The following ZC3H15 variants were observed in gnomAD, a reference collection of about 807,000 sequenced individuals.
ZC3H15 encodes zinc finger CCCH-type containing 15.
ZC3H15 carries 15 observed loss-of-function variants against 51.2 expected under a neutral mutation model. The observed-to-expected ratio is 0.29, with a 90% CI of 0.20 to 0.45. The LOEUF is 0.45. ZC3H15 is among the 20% of genes least tolerant of loss of function. The probability of loss-of-function intolerance (pLI) is 1.00; values close to 1 mark genes in which losing one functional copy is unlikely to be tolerated. For missense variants in ZC3H15, 381 were observed against 494.7 expected (o/e 0.77, Z 2.18); for synonymous variants, 144 against 162.8 (o/e 0.88, Z 0.88).
intron 1 of ZC3H15, among the ~76,000 whole-genome samples, chr2:186,493,371 C>T (rs1182936358): frequency 6.6e-6 from 1 of 152,108 alleles, no homozygotes; most frequent in Non-Finnish European, 1.5e-5. Flanking sequence ...GCTAGTAAGT[C>T]TGTACAGTAA....
intron 1 of ZC3H15, chr2:186,487,131 T>C (rs1685109931): frequency 6.6e-6 from 1 of 152,160 alleles, no homozygotes; most frequent in Non-Finnish European, 1.5e-5. Flanking sequence ...GAGATATATG[T>C]GTGTGTGTGC....
chr2:186,486,748 CCTTCG>C (rs1272864260), intron 1 of ZC3H15: 3 of 370,232 alleles, frequency 8.1e-6, no homozygotes, highest in African/African-American at 6.2e-5. Flanking sequence ...AGGGTTTTAT[CCTTCG>C]CTAGTCCTCT....
chr2:186,508,917 A>G lies in ZC3H15; in HGVS notation c.*184A>G. 3.8e-5 allele frequency: 25 copies of G among 660,656 alleles called. 1 individual carries two copies. In the South Asian group the frequency reaches 4.4e-4, roughly 12 times the overall value. The allele number at this position is 660,656 out of a possible 1,614,324, so 40.9% of individuals were successfully genotyped here. A position where few individuals can be genotyped will look rare whatever the true frequency, so the allele number is the denominator to read the frequency against. On this transcript the variant is annotated 3_prime_UTR_variant, in exon 10 of 10. Coordinates refer to ENST00000337859, the MANE Select transcript of ZC3H15 (RefSeq NM_018471.3). ...TCTTCTGACTTTGGCTACATCTCAT[A>G]GTAAGTTCAGAGTAGTTCATGATAA...
intron 5 of ZC3H15, 85 bp from the exon 6 acceptor site, chr2:186,503,947 T>G: frequency 9.1e-7 from 1 of 1,093,270 alleles, no homozygotes; most frequent in South Asian, 2.1e-5. Context: ...CGTACTTGTG[T>G]GTATACTTGT....
intron 9 of ZC3H15, 87 bp from the exon 10 acceptor site, chr2:186,508,456 G>C: frequency 8.8e-7 from 1 of 1,133,198 alleles, no homozygotes; most frequent in Non-Finnish European, 1.3e-6. Context: ...AAAAGAGGAA[G>C]TGTAGTATCA....
intron 2 of ZC3H15, among the ~76,000 whole-genome samples, chr2:186,497,626 T>C (rs904338935): frequency 2.0e-5 from 3 of 152,198 alleles, no homozygotes; most frequent in Non-Finnish European, 4.4e-5. Flanking sequence ...GTAAATTTTC[T>C]GGTGAATATA....
rs1367952991 is a variant in ZC3H15 at position 186,509,002 on chromosome 2, A to G, written c.*269A>G. On this transcript the variant is annotated 3_prime_UTR_variant, in exon 10 of 10. Coordinates refer to ENST00000337859, the MANE Select transcript of ZC3H15 (RefSeq NM_018471.3). ...GATGTTGTAACTGTCCACCCAAGTA[A>G]GAAGTGTATCTGCCTTTCCATCTTT... The G allele has an allele frequency of 3.6e-6, 2 of 556,004 alleles. No individual in the cohort carries two copies. The highest frequency in any genetic ancestry group is 3.7e-5 in the African/African-American group (2 of 53,844). The allele number at this position is 556,004 out of a possible 1,614,324, so 34.4% of individuals were successfully genotyped here.
chr2:186,508,313 T>A (rs1685499383), intron 9 of ZC3H15, among the ~76,000 whole-genome samples: 1 of 152,186 alleles, frequency 6.6e-6, no homozygotes, highest in South Asian at 2.1e-4. Context: ...TATAAACCAT[T>A]AAGTAGTCAA....
chr2:186,495,712 C>T (rs890303268), intron 2 of ZC3H15, among the ~76,000 whole-genome samples: 1 of 152,140 alleles, frequency 6.6e-6, no homozygotes, highest in Admixed American at 6.5e-5. Context: ...TAACAGACTC[C>T]AGATCAAGGG....
chr2:186,498,752 C>G (rs1685328768), intron 2 of ZC3H15, among the ~76,000 whole-genome samples: 2 of 151,876 alleles, frequency 1.3e-5, no homozygotes, highest in African/African-American at 4.8e-5. Flanking sequence ...TTCTTTTGTC[C>G]CATTTTATGT....
intron 5 of ZC3H15, 152 bp downstream of exon 5, chr2:186,502,739 G>C: frequency 3.5e-6 from 2 of 573,164 alleles, no homozygotes; most frequent in Non-Finnish European, 5.8e-6. Flanking sequence ...CTTTATTTTT[G>C]GAATTTACAA....
intron 9 of ZC3H15, chr2:186,507,477 A>G (rs1685486797): frequency 2.2e-6 from 1 of 456,442 alleles, no homozygotes; most frequent in Admixed American, 2.3e-5. Flanking sequence ...AGGATCTGGT[A>G]AGGAGGAGAA....
In ZC3H15 at chr2:186,504,047, C is replaced by T. The variant is rs1273427789; in HGVS notation, c.550C>T (p.Leu184=). ...GTCTCTATAGGTGTGCAAGCATTTCCTGGAAGCTATTGAAAACAACAAGTA... is the reference window on the plus strand; with the variant it reads ...GTCTCTATAGGTGTGCAAGCATTTCTTGGAAGCTATTGAAAACAACAAGTA... ...PKTQIVCKHF[L]EAIENNKYGW... Residue 184 remains leucine, a synonymous_variant, in exon 6 of 10, where the codon CTG becomes TTG. Coordinates refer to ENST00000337859, the MANE Select transcript of ZC3H15 (RefSeq NM_018471.3). The T allele has an allele frequency of 6.3e-7, 1 of 1,593,414 alleles. No individual in the cohort carries two copies.
intron 3 of ZC3H15, 115 bp downstream of exon 3, chr2:186,500,408 T>G (rs556224515): frequency 1.1e-6 from 1 of 913,804 alleles, no homozygotes; most frequent in African/African-American, 1.7e-5. Context: ...TGAATGAAAA[T>G]GTTACTCCAT....
intron 9 of ZC3H15, among the ~76,000 whole-genome samples, chr2:186,508,300 A>G (rs1175025726): frequency 6.6e-6 from 1 of 152,216 alleles, no homozygotes; most frequent in African/African-American, 2.4e-5. Flanking sequence ...CTGCCCTCAA[A>G]TGTATAAACC....
chr2:186,505,382 A>C, intron 6 of ZC3H15, 69 bp from the exon 7 acceptor site: 2 of 1,477,852 alleles, frequency 1.4e-6, no homozygotes, highest in Non-Finnish European at 9.0e-7. Flanking sequence ...TCACATTAAG[A>C]GATAACTGCA....
At chr2:186,490,755 A>AG (rs1685184371) in intron 1 of ZC3H15, among the ~76,000 whole-genome samples, 1 of 152,048 alleles carries the variant, frequency 6.6e-6, no homozygotes, top group Non-Finnish European at 1.5e-5. Flanking sequence ...TACGGATGGG[A>AG]GGGAAGTTTT....
chr2:186,504,005 C>T (rs748746950), intron 5 of ZC3H15, 27 bp from the exon 6 acceptor site: 90 of 1,521,178 alleles, frequency 5.9e-5, no homozygotes, highest in South Asian at 3.5e-4. Flanking sequence ...ACTGAGCCAC[C>T]GCTTGTGAAT....
intron 1 of ZC3H15, among the ~76,000 whole-genome samples, chr2:186,489,342 A>G (rs1242884414): frequency 6.6e-6 from 1 of 152,232 alleles, no homozygotes; most frequent in East Asian, 1.9e-4. Context: ...AGGAAATGAT[A>G]TAGTCTGCTT....
Sources: gnomAD v4.1 joint callset for allele counts (sites outside exome capture counted in the v4.1 genomes callset) on GRCh38, gnomAD v4.1.1 for gene constraint, MANE v1.5 for transcripts, NCBI Gene and HGNC (gene_info 2026-07-23, HGNC 2026-07-21) for gene names.